The following ABCA3 variants were observed in gnomAD, a reference collection of about 807,000 sequenced individuals.
ABCA3 encodes ATP binding cassette subfamily A member 3, also known as phospholipid-transporting ATPase ABCA3.
Under a neutral mutation model 172.8 loss-of-function variants are expected in ABCA3, and 88 were observed. The ratio of observed to expected loss-of-function variants is 0.51; its 90% confidence interval spans 0.43 to 0.61. The LOEUF (loss-of-function observed/expected upper bound fraction) is 0.61. Ranked by LOEUF, ABCA3 falls within the 20% of genes least tolerant of loss-of-function variation. The pLI, the probability that ABCA3 is intolerant of heterozygous loss-of-function variation, is 0.00. For synonymous variants in ABCA3, 1,066 were observed against 983.8 expected (o/e 1.08, Z -1.56); for missense variants, 2,164 against 2,301.0 (o/e 0.94, Z 1.22).
Position 2,323,560 on chromosome 16 carries a change from T to C in ABCA3, c.576A>G (p.Gly192=), listed in dbSNP as rs2093729428. Residue 192 remains glycine (G), a synonymous_variant, in exon 7 of 33, where the codon GGA becomes GGG. Coordinates refer to ENST00000301732, the MANE Select transcript of ABCA3 (RefSeq NM_001089.3). The part of the protein sequence containing the change: ...TSLFPLFPNP[G]PREPTSPDGG... Reference sequence around the variant, plus strand: ...CATCAGGGGATGTAGGTTCCCTTGGTCCTGGGTTTGGGAAAAGCGGGAAAA... The same window carrying C: ...CATCAGGGGATGTAGGTTCCCTTGGCCCTGGGTTTGGGAAAAGCGGGAAAA... The C allele has an allele frequency of 6.2e-7, 1 of 1,613,996 alleles. No homozygotes were observed. Among genetic ancestry groups the C allele is most frequent in the South Asian group, 1.1e-5 (1 of 91,076 alleles).
Position 2,287,116 on chromosome 16 carries a change from A to G in ABCA3, c.3005-149T>C. ...CCATCACCCTTCTCCTAAGGAGAGTATAATTTCTGGCAAGGTTTTGTCATC... is the reference window on the plus strand; with the variant it reads ...CCATCACCCTTCTCCTAAGGAGAGTGTAATTTCTGGCAAGGTTTTGTCATC... On this transcript the variant is annotated intron_variant, in intron 21 of 32. Coordinates refer to ENST00000301732, the MANE Select transcript of ABCA3 (RefSeq NM_001089.3). This position sits in a 1 kb window ranked among gnomAD's most constrained non-coding sequence, Gnocchi z 4.1. 1.1e-6 allele frequency: 1 copy of G among 911,896 alleles called. No homozygotes were observed. 56.5% of individuals were successfully genotyped at this position (911,896 alleles called of 1,614,324 possible).
Position 2,278,280 on chromosome 16 carries a change from G to A in ABCA3, c.4718+8C>T. The A allele has an allele frequency of 6.2e-7, 1 of 1,606,754 alleles. No homozygotes were observed. Among genetic ancestry groups the A allele is most frequent in the Non-Finnish European group, 8.5e-7 (1 of 1,179,988 alleles). The stretch of plus-strand genomic sequence containing the variant: ...AAACTTCCAGTAACCCACAGACCCA[G>A]GCTCTACCTGTGGGAGGTGATGATG... On this transcript the variant is annotated splice_region_variant and intron_variant, in intron 30 of 32. Transcript: ENST00000301732. This position sits in a 1 kb window ranked among gnomAD's most constrained non-coding sequence, Gnocchi z 4.4.
At chr16:2,289,743 G>T in intron 19 of ABCA3, 123 bp from the exon 20 acceptor site, 1 of 1,009,938 alleles carries the variant, frequency 9.9e-7, no homozygotes, top group Non-Finnish European at 1.5e-6. Context: ...TCATGCATCT[G>T]CTTATGTGTT....
At chr16:2,337,078 AT>A (rs879431925) in intron 1 of ABCA3, among the ~76,000 whole-genome samples, 491 of 129,920 alleles carry the variant, frequency 3.8e-3, no homozygotes, top group Admixed American at 4.3e-3. Flanking sequence ...ATACCTGGCT[AT>A]TTTTTTTTTT....
At chr16:2,330,273 G>A (rs1247992143) in intron 1 of ABCA3, among the ~76,000 whole-genome samples, 2 of 139,698 alleles carry the variant, frequency 1.4e-5, no homozygotes, top group Middle Eastern at 3.3e-3. Context: ...CATCAGCTCC[G>A]AGATGACCCT....
chr16:2,281,593 G>A lies in ABCA3; in HGVS notation c.4036-84C>T, dbSNP rs1050249755. The A allele has an allele frequency of 6.9e-7, 1 of 1,439,316 alleles. No individual in the cohort carries two copies. Among genetic ancestry groups the A allele is most frequent in the Non-Finnish European group, 9.6e-7 (1 of 1,045,208 alleles). 89.2% of individuals were successfully genotyped at this position (1,439,316 alleles called of 1,614,324 possible). On this transcript the variant is annotated intron_variant, in intron 26 of 32. Transcript: ENST00000301732. This position sits in a 1 kb window ranked among gnomAD's most constrained non-coding sequence, Gnocchi z 4.7. ...AGAAGGGAGGGGCGGGGGTGGATGT[G>A]GGAGGTCTGGTGGGACTAAGGCCTT...
At chr16:2,326,567 T>C in intron 3 of ABCA3, 75 bp from the exon 4 acceptor site, 1 of 1,468,280 alleles carries the variant, frequency 6.8e-7, no homozygotes, top group Non-Finnish European at 9.3e-7. Flanking sequence ...GGAAAAGCCA[T>C]GGACCCTTTT....
In ABCA3 at chr16:2,328,520, C is replaced by A. The variant is rs563286787; in HGVS notation, c.-94G>T. ...TGCAACCCGCAGGAAATAGGAGAAA[C>A]GTGCTCTGAAAACTGAGTGTAAAGA... On this transcript the variant is annotated 5_prime_UTR_variant, in exon 3 of 33. Transcript: ENST00000301732. 1.4e-5 allele frequency: 7 copies of A among 514,346 alleles called. No individual in the cohort carries two copies. Among genetic ancestry groups the A allele is most frequent in the Non-Finnish European group, 2.7e-5 (7 of 258,014 alleles). The allele number at this position is 514,346 out of a possible 1,614,324, so 31.9% of individuals were successfully genotyped here.
At chr16:2,325,930 C>T (rs2093733482) in intron 5 of ABCA3, 80 bp downstream of exon 5, 6 of 1,595,798 alleles carry the variant, frequency 3.8e-6, no homozygotes, top group Admixed American at 1.7e-5. Context: ...CTGCTTCGCA[C>T]ATCCTGGGCT....
At chr16:2,310,154 C>T (rs906961428) in intron 10 of ABCA3, among the ~76,000 whole-genome samples, 14 of 151,930 alleles carry the variant, frequency 9.2e-5, no homozygotes, top group African/African-American at 3.4e-4. Context: ...GCCTGTAATC[C>T]CAGCACTTTG....
chr16:2,317,270 G>T lies in ABCA3; in HGVS notation c.1111+13C>A. 3.7e-6 allele frequency: 6 copies of T among 1,613,732 alleles called. No homozygotes were observed. The South Asian group carries it at 5.5e-5, about 15-fold the overall frequency. On this transcript the variant is annotated intron_variant, in intron 10 of 32. Coordinates refer to ENST00000301732, the MANE Select transcript of ABCA3 (RefSeq NM_001089.3). ...CCTTGGCAACCCCACTCTGCCCCAT[G>T]ACTGGGGCTCACCTTTGCTGAAGAA...
At position 2,304,028 on chromosome 16, in the gene ABCA3, T is replaced by G. The variant is rs772941826; in HGVS notation, c.1408A>C (p.Met470Leu). The stretch of plus-strand genomic sequence containing the variant: ...AACTGCCCTGGGAAGACGGCCTCCA[T>G]GTACCAGGTCACCAGGCCATAGAGC... ...SVLYGLVTWY[M>L]EAVFPGQFGV... The change falls in exon 12 of 33, where the codon ATG becomes CTG. Residue 470 changes from methionine (M) to leucine (L), a missense_variant. Coordinates refer to ENST00000301732, the MANE Select transcript of ABCA3 (RefSeq NM_001089.3). 26 of 1,614,026 alleles carry G rather than the reference T, an allele frequency of 1.6e-5. No individual in the cohort carries two copies. The highest frequency in any genetic ancestry group is 2.2e-5 in the East Asian group (1 of 44,882).
Position 2,285,006 on chromosome 16 carries a change from G to A in ABCA3, c.3484-8C>T, listed in dbSNP as rs766433232. On this transcript the variant is annotated splice_region_variant and splice_polypyrimidine_tract_variant and intron_variant, in intron 23 of 32. Coordinates refer to ENST00000301732, the MANE Select transcript of ABCA3 (RefSeq NM_001089.3). This position sits in a 1 kb window ranked among gnomAD's most constrained non-coding sequence, Gnocchi z 4.7. ...GAAGGCCTTAAACACCACCTGCGGC[G>A]GCACAGGGAGGCGCTGCTGTGCATG... The A allele has an allele frequency of 9.3e-6, 15 of 1,610,780 alleles. No homozygotes were observed. The highest frequency in any genetic ancestry group is 5.5e-5 in the South Asian group (5 of 90,908).
chr16:2,318,491 AT>A (rs1485783028), intron 8 of ABCA3, among the ~76,000 whole-genome samples: 1 of 150,652 alleles, frequency 6.6e-6, no homozygotes, highest in Non-Finnish European at 1.5e-5. Flanking sequence ...TCAGCTCCTC[AT>A]TTCTTTTTCT....
At chr16:2,315,426 C>T (rs1164288963) in intron 10 of ABCA3, among the ~76,000 whole-genome samples, 1 of 152,142 alleles carries the variant, frequency 6.6e-6, no homozygotes, top group Non-Finnish European at 1.5e-5. Flanking sequence ...GAACACCTAT[C>T]TGTGGAGAAT....
rs750323892 is a variant in ABCA3 at position 2,284,186 on chromosome 16, C to T, written c.3862+93G>A. The stretch of plus-strand genomic sequence containing the variant: ...ACGCACCAGCCCCAGGCCACTCAGA[C>T]GCAGAGGAGCCCCTGCCCTAGGAGG... On this transcript the variant is annotated intron_variant, in intron 25 of 32. Coordinates refer to ENST00000301732, the MANE Select transcript of ABCA3 (RefSeq NM_001089.3). The surrounding 1 kb of genome is among the most constrained non-coding windows in gnomAD (Gnocchi z 5.9). 1.1e-4 allele frequency: 158 copies of T among 1,448,106 alleles called. No homozygotes were observed. The highest frequency in any genetic ancestry group is 1.4e-4 in the Non-Finnish European group (150 of 1,076,136). The allele number at this position is 1,448,106 out of a possible 1,614,324, so 89.7% of individuals were successfully genotyped here.
Position 2,288,283 on chromosome 16 carries a change from G to A in ABCA3, c.2747C>T (p.Ala916Val), listed in dbSNP as rs1195488343. 6.3e-7 allele frequency: 1 copy of A among 1,579,396 alleles called. No individual in the cohort carries two copies. Among genetic ancestry groups the A allele is most frequent in the South Asian group, 1.1e-5 (1 of 87,152 alleles). ...QQFWAMFLKK[A>V]AYSWREWKMV... ...TTTCCACTCGCGCCAGCTGTATGCGGCCTTCTTCAGGAACATGGCCCAGAA... is the reference window on the plus strand; with the variant it reads ...TTTCCACTCGCGCCAGCTGTATGCGACCTTCTTCAGGAACATGGCCCAGAA... The change falls in exon 21 of 33, where the codon GCC becomes GTC. Residue 916 changes from alanine (A) to valine (V), a missense_variant. Ala to Val is a moderately conservative substitution (Grantham distance 64). Around this residue, in one of 3 missense-constraint regions of ABCA3, gnomAD observed 1,343 missense variants for 1,369.6 expected, o/e 0.98. Transcript: ENST00000301732.
In ABCA3 at chr16:2,276,570, A is replaced by C; in HGVS notation, c.*104T>G. The C allele has an allele frequency of 1.3e-6, 2 of 1,544,020 alleles. No individual in the cohort carries two copies. Among genetic ancestry groups the C allele is most frequent in the Non-Finnish European group, 8.7e-7 (1 of 1,145,402 alleles). ...ATTTTTCATATCCATCATAGAAAAA[A>C]GTGATTAAAAATAAAGGATGAGATA... is the stretch of plus-strand genomic sequence containing the variant. On this transcript the variant is annotated 3_prime_UTR_variant, in exon 33 of 33. Coordinates refer to ENST00000301732, the MANE Select transcript of ABCA3 (RefSeq NM_001089.3).
At position 2,284,096 on chromosome 16, in the gene ABCA3, A is replaced by G. The variant is rs1596831870; in HGVS notation, c.3862+183T>C. ...GGTGGGAGAGTGGGAGCTCAGGTAC[A>G]GGGCCTGGGAGCGAGCGGGCGCGAG... On this transcript the variant is annotated intron_variant, in intron 25 of 32. Coordinates refer to ENST00000301732, the MANE Select transcript of ABCA3 (RefSeq NM_001089.3). The surrounding 1 kb of genome is among the most constrained non-coding windows in gnomAD (Gnocchi z 5.9). 2 of 669,360 alleles carry G rather than the reference A, an allele frequency of 3.0e-6. No homozygotes were observed. The highest frequency in any genetic ancestry group is 2.5e-6 in the Non-Finnish European group (1 of 407,892). The allele number at this position is 669,360 out of a possible 1,614,324, so 41.5% of individuals were successfully genotyped here. A position where few individuals can be genotyped will look rare whatever the true frequency, so the allele number is the denominator to read the frequency against.
Sources: gnomAD v4.1 joint callset for allele counts (sites outside exome capture counted in the v4.1 genomes callset) on GRCh38, gnomAD v4.1.1 for gene constraint, gnomAD v4.1.1 regional missense constraint, Gnocchi (gnomAD v3.1) non-coding constraint, MANE v1.5 for transcripts, NCBI Gene and HGNC (gene_info 2026-07-23, HGNC 2026-07-21) for gene names.